The following LRP1B variants were observed in gnomAD, a reference collection of about 807,000 sequenced individuals.
The protein encoded by LRP1B is LDL receptor related protein 1B.
LRP1B carries 217 observed loss-of-function variants against 556.6 expected under a neutral mutation model. That is an observed-to-expected ratio of 0.39 (90% CI 0.35 to 0.44). The LOEUF (loss-of-function observed/expected upper bound fraction) is 0.44. Among genes scored for constraint, LRP1B ranks in the 20% least tolerant of loss-of-function variants. The pLI is 1.00. For synonymous variants in LRP1B, 2,047 were observed against 1,865.8 expected (o/e 1.10, Z -2.50); for missense variants, 5,053 against 5,620.8 (o/e 0.90, Z 3.23).
intron 25 of LRP1B, among the ~76,000 whole-genome samples, chr2:140,870,685 T>C (rs1381452606): frequency 6.6e-6 from 1 of 152,108 alleles, no homozygotes; most frequent in African/African-American, 2.4e-5. Context: ...AATTATGAAA[T>C]GGTAAAAAAA....
At chr2:141,017,396 C>T (rs931002025) in intron 12 of LRP1B, among the ~76,000 whole-genome samples, 1 of 133,246 alleles carries the variant, frequency 7.5e-6, no homozygotes, top group African/African-American at 2.8e-5. Flanking sequence ...TATAGCTTCT[C>T]CTTTTGATCA....
At chr2:141,092,737 A>G (rs1403412474) in intron 7 of LRP1B, among the ~76,000 whole-genome samples, 2 of 152,198 alleles carry the variant, frequency 1.3e-5, no homozygotes, top group Non-Finnish European at 2.9e-5. Context: ...AGTCAAGTGA[A>G]GGAAGTGTTT....
intron 41 of LRP1B, among the ~76,000 whole-genome samples, chr2:140,626,297 A>G (rs9646704): frequency 0.23 from 34,744 of 152,092 alleles, 4,312 homozygotes; most frequent in Admixed American, 0.3. Context: ...TGGTAGATAA[A>G]TGTCATTATA....
chr2:141,694,475 C>T (rs1691661349), intron 2 of LRP1B, among the ~76,000 whole-genome samples: 2 of 151,962 alleles, frequency 1.3e-5, no homozygotes, highest in Admixed American at 6.6e-5. Flanking sequence ...ATTTACTCAT[C>T]CCAACAATCA....
intron 3 of LRP1B, among the ~76,000 whole-genome samples, chr2:141,456,316 G>A (rs1055537289): frequency 5.3e-5 from 8 of 152,068 alleles, no homozygotes; most frequent in Non-Finnish European, 8.8e-5. Context: ...AAAATGTCCT[G>A]CCTTGATTTC....
chr2:142,091,019 G>C (rs1325459334), intron 1 of LRP1B, among the ~76,000 whole-genome samples: 1 of 152,024 alleles, frequency 6.6e-6, no homozygotes, highest in African/African-American at 2.4e-5. Context: ...GGATTTCTTT[G>C]AAAATTTCTC....
chr2:141,960,793 G>A (rs1261814781), intron 1 of LRP1B, among the ~76,000 whole-genome samples: 1 of 151,702 alleles, frequency 6.6e-6, no homozygotes, highest in Admixed American at 6.6e-5. Flanking sequence ...ACTGATTAAT[G>A]TTTACAATAA....
At position 140,867,659 on chromosome 2, in the gene LRP1B, T is replaced by G; in HGVS notation, c.4510A>C (p.Ser1504Arg). The change falls in exon 27 of 91, where the codon AGT becomes CGT. Residue 1504 changes from serine to arginine, a missense_variant. Around this residue, in one of 5 missense-constraint regions of LRP1B, gnomAD observed 3,619 missense variants for 3,931.9 expected, o/e 0.92. Transcript: ENST00000389484. Reference sequence around the variant, plus strand: ...TGTGCACTGGTTTTCTGAATCACACTGACATTCTGCCCTGTCCACTTATTG... The same window carrying G: ...TGTGCACTGGTTTTCTGAATCACACGGACATTCTGCCCTGTCCACTTATTG... The part of the protein sequence containing the change: ...KANKWTGQNV[S>R]VIQKTSAQPF... 6.2e-7 allele frequency: 1 copy of G among 1,613,634 alleles called. No individual in the cohort carries two copies.
intron 5 of LRP1B, among the ~76,000 whole-genome samples, chr2:141,232,442 A>AT (rs975207989): frequency 2.6e-5 from 4 of 152,172 alleles, no homozygotes; most frequent in African/African-American, 9.7e-5. Flanking sequence ...TTAGACAGCC[A>AT]TTTTTTGGCT....
In LRP1B at chr2:141,923,489, G is replaced by GAA. The variant is rs1328033806; in HGVS notation, c.83-113089_83-113088insTT. On this transcript the variant is annotated intron_variant, in intron 1 of 90. Transcript: ENST00000389484. Reference sequence around the variant, plus strand: ...GTGTGTGTGTGTGTGTGTGTGTGTAGAGAGAGGGAGGGAGGGGGAGAGAGA... The same window carrying GAA: ...GTGTGTGTGTGTGTGTGTGTGTGTAGAAAGAGAGGGAGGGAGGGGGAGAGAGA... Among the ~76,000 whole-genome samples the GAA allele has an allele frequency of 3.3e-5, 4 of 121,442 alleles. No homozygotes were observed. In the East Asian group the frequency reaches 9.7e-4, roughly 29 times the overall value. The allele number at this position is 121,442 out of a possible 152,430, so 79.7% of individuals were successfully genotyped here.
intron 1 of LRP1B, among the ~76,000 whole-genome samples, chr2:141,917,740 G>A (rs192276880): frequency 2.8e-4 from 43 of 152,208 alleles, no homozygotes; most frequent in African/African-American, 8.9e-4. Flanking sequence ...ACATTCACTC[G>A]TCTCTACTGT....
intron 66 of LRP1B, among the ~76,000 whole-genome samples, chr2:140,420,196 T>C (rs1345073687): frequency 6.6e-6 from 1 of 151,540 alleles, no homozygotes; most frequent in Non-Finnish European, 1.5e-5. Flanking sequence ...AAAAGTGCAA[T>C]GGTTAATATC....
chr2:141,715,708 A>C (rs751834396), intron 2 of LRP1B, among the ~76,000 whole-genome samples: 4 of 151,994 alleles, frequency 2.6e-5, no homozygotes, highest in African/African-American at 4.8e-5. Flanking sequence ...CCAGCTACTC[A>C]GGAGGCTGAG....
chr2:140,916,920 A>T lies in LRP1B; in HGVS notation c.3319+6045T>A, dbSNP rs752389748. Among the ~76,000 whole-genome samples the T allele has an allele frequency of 5.6e-4, 86 of 152,328 alleles. 1 individual carries two copies. Among genetic ancestry groups the T allele is most frequent in the Non-Finnish European group, 8.5e-4 (58 of 68,020 alleles). On this transcript the variant is annotated intron_variant, in intron 21 of 90. Coordinates refer to ENST00000389484, the MANE Select transcript of LRP1B (RefSeq NM_018557.3). The stretch of plus-strand genomic sequence containing the variant: ...CTCCTGCACTTTTCACTCAACATGT[A>T]ATCACAGAGAAGTGTACATGTCAGT...
At chr2:141,015,536 C>T (rs554061149) in intron 13 of LRP1B, among the ~76,000 whole-genome samples, 160 bp downstream of exon 13, 31 of 151,976 alleles carry the variant, frequency 2.0e-4, no homozygotes, top group Non-Finnish European at 3.8e-4. Context: ...GTGCCAGCTG[C>T]ACTACTTAAT....
At chr2:141,042,524 T>C (rs1348619473) in intron 11 of LRP1B, among the ~76,000 whole-genome samples, 2 of 152,252 alleles carry the variant, frequency 1.3e-5, no homozygotes, top group South Asian at 2.1e-4. Flanking sequence ...GCTAATGTTT[T>C]AGTTTACAAA....
intron 1 of LRP1B, among the ~76,000 whole-genome samples, chr2:141,810,753 A>G (rs564251411): frequency 6.6e-6 from 1 of 152,062 alleles, no homozygotes; most frequent in Admixed American, 6.6e-5. Flanking sequence ...GAGGCTCTTG[A>G]GCATAGAAAT....
In LRP1B at chr2:140,818,653, G is replaced by A. The variant is rs146777596; in HGVS notation, c.5210-4847C>T. 2.1e-3 allele frequency among the ~76,000 whole-genome samples: 317 copies of A among 152,228 alleles called. 2 individuals are homozygous for A. Among genetic ancestry groups the A allele is most frequent in the Non-Finnish European group, 3.1e-3 (213 of 68,014 alleles). On this transcript the variant is annotated intron_variant, in intron 31 of 90. Transcript: ENST00000389484. ...TTGCTGGGTAAAGAATGGATGTGCTGGCTGGGCACTGTGGCTCATGCCTGT... is the reference window on the plus strand; with the variant it reads ...TTGCTGGGTAAAGAATGGATGTGCTAGCTGGGCACTGTGGCTCATGCCTGT...
At chr2:141,269,407 GAACA>G (rs886682865) in intron 3 of LRP1B, among the ~76,000 whole-genome samples, 6 of 152,046 alleles carry the variant, frequency 3.9e-5, no homozygotes, top group African/African-American at 1.2e-4. Flanking sequence ...TAAACTAATA[GAACA>G]ATCAGCTGAC....
Sources: allele counts gnomAD v4.1 joint callset (sites outside exome capture counted in the v4.1 genomes callset), GRCh38; gene constraint gnomAD v4.1.1; regional missense constraint gnomAD v4.1.1; transcripts MANE v1.5; gene names NCBI Gene and HGNC (gene_info 2026-07-23, HGNC 2026-07-21).